Variants in GALNT2 observed in about 807,000 individuals in gnomAD.
GALNT2 encodes the protein UDP-GalNAc:polypeptide N-acetylgalactosaminyltransferase 2.
Under a neutral mutation model 81.4 loss-of-function variants are expected in GALNT2, and 31 were observed. The observed-to-expected ratio is 0.38, with a 90% CI of 0.29 to 0.51. GALNT2 has a LOEUF of 0.51. Among genes scored for constraint, GALNT2 ranks in the 20% least tolerant of loss-of-function variants. GALNT2 has a pLI of 0.87. For missense variants in GALNT2, 629 were observed against 765.7 expected, an observed-to-expected ratio of 0.82 and a Z score of 2.11; for synonymous variants, 303 against 287.4, an observed-to-expected ratio of 1.05 and a Z score of -0.55.
intron 2 of GALNT2, among the ~76,000 whole-genome samples, chr1:230,199,878 C>G (rs1374513217): frequency 6.6e-6 from 1 of 152,118 alleles, no homozygotes; most frequent in Non-Finnish European, 1.5e-5. Flanking sequence ...TCAAGGGCTT[C>G]TCCAAGTTCA....
At chr1:230,259,607 A>T (rs1218831873) in intron 11 of GALNT2, 1 of 152,152 alleles carries the variant, frequency 6.6e-6, no homozygotes, top group African/African-American at 2.4e-5. Flanking sequence ...GATAATCTGG[A>T]GGGAGCTGGG....
intron 9 of GALNT2, among the ~76,000 whole-genome samples, chr1:230,249,963 A>G (rs1665492306): frequency 6.6e-6 from 1 of 152,164 alleles, no homozygotes; most frequent in Non-Finnish European, 1.5e-5. Flanking sequence ...CCTTCCTGGG[A>G]TGATGAAGTG....
At chr1:230,208,690 C>CT (rs1664140614) in intron 3 of GALNT2, among the ~76,000 whole-genome samples, 1 of 152,206 alleles carries the variant, frequency 6.6e-6, no homozygotes, top group Admixed American at 6.5e-5. Flanking sequence ...TGAGGACAGT[C>CT]TAACACTGTA....
intron 1 of GALNT2, among the ~76,000 whole-genome samples, chr1:230,153,171 TTCTTATCTCAG>T (rs1256897574): frequency 6.6e-6 from 1 of 152,236 alleles, no homozygotes; most frequent in Non-Finnish European, 1.5e-5. Flanking sequence ...TCAAGCGATC[TTCTTATCTCAG>T]TCTGTGGAGT....
chr1:230,182,089 C>T (rs1471403804), intron 2 of GALNT2, among the ~76,000 whole-genome samples: 7 of 152,072 alleles, frequency 4.6e-5, no homozygotes, highest in Non-Finnish European at 8.8e-5. Context: ...TATATCCCCA[C>T]TTTCATTTCT....
chr1:230,115,407 A>T (rs1043002238), intron 1 of GALNT2, among the ~76,000 whole-genome samples: 2 of 152,218 alleles, frequency 1.3e-5, no homozygotes, highest in Non-Finnish European at 1.5e-5. Context: ...AGCAAGTCAC[A>T]CACAGTTTTT....
chr1:230,257,232 G>A lies in GALNT2; in HGVS notation c.1136+1888G>A, dbSNP rs904149412. Among the ~76,000 whole-genome samples, 2 of 152,190 alleles carry A rather than the reference G, an allele frequency of 1.3e-5. No individual in the cohort carries two copies. The highest frequency in any genetic ancestry group is 4.8e-5 in the African/African-American group (2 of 41,444). ...TCTGTTTTATGCTTTGGAAAGGTCC[G>A]TATGGTTGCTGGGCAGAGGGTGGCC... On this transcript the variant is annotated intron_variant, in intron 11 of 15. Transcript: ENST00000366672. The surrounding 1 kb of genome is among the most constrained non-coding windows in gnomAD (Gnocchi z 4.6).
chr1:230,125,822 C>T (rs1398335701), intron 1 of GALNT2, among the ~76,000 whole-genome samples: 1 of 152,228 alleles, frequency 6.6e-6, no homozygotes, highest in Admixed American at 6.5e-5. Context: ...CTTGCCATGC[C>T]TCATGTCATC....
intron 7 of GALNT2, among the ~76,000 whole-genome samples, chr1:230,245,711 A>G (rs1558158597): frequency 6.6e-6 from 1 of 152,200 alleles, no homozygotes; most frequent in Non-Finnish European, 1.5e-5. Flanking sequence ...ATTTGGGCAA[A>G]CAGAAAAGGA....
Position 230,232,207 on chromosome 1 carries a change from C to CT in GALNT2, c.375-3806dup, listed in dbSNP as rs201915034. Among the ~76,000 whole-genome samples, 51 of 152,312 alleles carry CT rather than the reference C, an allele frequency of 3.3e-4. No individual in the cohort carries two copies. In the East Asian group the frequency reaches 9.6e-3, roughly 29 times the overall value. Reference sequence around the variant, plus strand: ...ATTCATGTACATACACACACTCACTCTAACTCTGGGATGTAAAATATTTCT... The same window carrying CT: ...ATTCATGTACATACACACACTCACTCTTAACTCTGGGATGTAAAATATTTCT... On this transcript the variant is annotated intron_variant, in intron 3 of 15. Transcript: ENST00000366672.
chr1:230,188,815 T>C (rs570689620), intron 2 of GALNT2, among the ~76,000 whole-genome samples: 2 of 152,314 alleles, frequency 1.3e-5, no homozygotes, highest in South Asian at 2.1e-4. Flanking sequence ...AGTATGTATA[T>C]TAGTCAATAT....
chr1:230,083,016 G>T (rs143264709), intron 1 of GALNT2, among the ~76,000 whole-genome samples: 87 of 151,236 alleles, frequency 5.8e-4, no homozygotes, highest in African/African-American at 2.1e-3. Context: ...GAATGATAGA[G>T]CACGGCAGTT....
chr1:230,058,296 T>C (rs1045953009), intron 1 of GALNT2, among the ~76,000 whole-genome samples: 13 of 152,138 alleles, frequency 8.5e-5, no homozygotes, highest in African/African-American at 3.1e-4. Context: ...ACATATTCCC[T>C]GGGAGCCTGA....
At chr1:230,272,463 T>G (rs1297440617) in intron 14 of GALNT2, among the ~76,000 whole-genome samples, 1 of 152,120 alleles carries the variant, frequency 6.6e-6, no homozygotes, top group African/African-American at 2.4e-5. Flanking sequence ...TTTCCCAAAT[T>G]CATTTGACCT....
intron 1 of GALNT2, among the ~76,000 whole-genome samples, chr1:230,059,994 G>C (rs1401457829): frequency 6.6e-6 from 1 of 152,174 alleles, no homozygotes; most frequent in Non-Finnish European, 1.5e-5. Context: ...ATCAGACTAT[G>C]CTATAGTCCG....
chr1:230,107,575 TAAAAA>T (rs5781564), intron 1 of GALNT2, among the ~76,000 whole-genome samples: 2 of 146,000 alleles, frequency 1.4e-5, no homozygotes, highest in South Asian at 4.4e-4. Flanking sequence ...GCAAGAATGT[TAAAAA>T]AAAAAAATTC....
intron 11 of GALNT2, among the ~76,000 whole-genome samples, chr1:230,258,197 G>C (rs1335760077): frequency 1.3e-5 from 2 of 151,986 alleles, no homozygotes; most frequent in East Asian, 3.9e-4. Flanking sequence ...TTACAGGCGT[G>C]AGCCACCGTG....
In GALNT2 at chr1:230,263,021, T is replaced by G; in HGVS notation, c.1313+16T>G. The G allele has an allele frequency of 6.2e-7, 1 of 1,601,702 alleles. No homozygotes were observed. The highest frequency in any genetic ancestry group is 1.1e-5 in the South Asian group (1 of 90,848). The stretch of plus-strand genomic sequence containing the variant: ...CAGAGTTAAGGTAAGTCCCCAGGGA[T>G]CTGGGGTTTCACTTTGTAAGGGCTT... On this transcript the variant is annotated intron_variant, in intron 13 of 15. Coordinates refer to ENST00000366672, the MANE Select transcript of GALNT2 (RefSeq NM_004481.5).
At chr1:230,204,469 C>T (rs1025877047) in intron 3 of GALNT2, among the ~76,000 whole-genome samples, 4 of 152,158 alleles carry the variant, frequency 2.6e-5, no homozygotes, top group Admixed American at 2.6e-4. Flanking sequence ...TTGCCCACCC[C>T]TTTTTATTCT....
Sources: gnomAD v4.1 joint callset for allele counts (sites outside exome capture counted in the v4.1 genomes callset) on GRCh38, gnomAD v4.1.1 for gene constraint, Gnocchi (gnomAD v3.1) non-coding constraint, MANE v1.5 for transcripts, NCBI Gene and HGNC (gene_info 2026-07-23, HGNC 2026-07-21) for gene names.